The following NBAS variants were observed in gnomAD, a reference collection of about 807,000 sequenced individuals.
NBAS encodes the protein NAG/BC035112 fusion.
Under a neutral mutation model 302.5 loss-of-function variants are expected in NBAS, and 219 were observed. That is an observed-to-expected ratio of 0.72 (90% CI 0.65 to 0.81). The LOEUF (loss-of-function observed/expected upper bound fraction) is 0.81. Ranked by LOEUF, NBAS falls within the 30% of genes least tolerant of loss-of-function variation. NBAS has a pLI of 0.00. For missense variants in NBAS, 2,932 were observed against 2,841.6 expected (o/e 1.03, Z -0.72); for synonymous variants, 1,118 against 1,021.6 (o/e 1.09, Z -1.80).
At chr2:15,009,698 ATAT>A in the NBAS span, among the ~76,000 whole-genome samples, 1 of 28,640 alleles carries the variant, frequency 3.5e-5, no homozygotes, top group Non-Finnish European at 7.3e-5. Flanking sequence ...GAATGCATAT[ATAT>A]ATATATATAT....
chr2:15,451,362 T>C (rs1382456758), intron 21 of NBAS, among the ~76,000 whole-genome samples: 1 of 152,184 alleles, frequency 6.6e-6, no homozygotes, highest in Non-Finnish European at 1.5e-5. Flanking sequence ...ATTTACATTC[T>C]AAATTGAAAG....
At position 15,539,483 on chromosome 2, in the gene NBAS, A is replaced by ATT; in HGVS notation, c.380-128_380-127insAA. 3.3e-6 allele frequency: 4 copies of ATT among 1,209,704 alleles called. No homozygotes were observed. The South Asian group carries it at 5.3e-5, about 16-fold the overall frequency. 74.9% of individuals were successfully genotyped at this position (1,209,704 alleles called of 1,614,324 possible). On this transcript the variant is annotated intron_variant, in intron 6 of 51. Transcript: ENST00000281513. ...ACGTCATCTCCTAAGGATCTCTAAT[A>ATT]AAGCTTCCCTCAATAAAAAAGAGCA...
rs760730197 is a variant in NBAS, at chr2:15,554,098, C to CCA, written c.248_249dup (p.Val84TrpfsTer6). 1.9e-6 allele frequency: 3 copies of CCA among 1,613,930 alleles called. No homozygotes were observed. The Admixed American group carries it at 5.0e-5, about 27-fold the overall frequency. On this transcript the variant is annotated frameshift_variant, in exon 4 of 52. Coordinates refer to ENST00000281513, the MANE Select transcript of NBAS (RefSeq NM_015909.4). LOFTEE classifies it high-confidence loss of function. Reference sequence around the variant, plus strand: ...AAATGCCAGTTTATCTGTTTATTAACCAAGCGAACCAGTCCATCAGGGAGC... The same window carrying CCA: ...AAATGCCAGTTTATCTGTTTATTAACCACAAGCGAACCAGTCCATCAGGGAGC...
chr2:15,430,097 T>G (rs949034325), intron 21 of NBAS, among the ~76,000 whole-genome samples: 5 of 152,136 alleles, frequency 3.3e-5, no homozygotes, highest in African/African-American at 1.2e-4. Context: ...CTAAAAGAAT[T>G]TTAGAAAAAT....
intron 32 of NBAS, among the ~76,000 whole-genome samples, chr2:15,363,839 AT>A (rs1287816833): frequency 2.0e-5 from 3 of 152,198 alleles, no homozygotes; most frequent in African/African-American, 7.2e-5. Context: ...CAAAGGGCTG[AT>A]CTTAGTGATT....
At chr2:15,246,728 C>T (rs372983951) in intron 44 of NBAS, among the ~76,000 whole-genome samples, 2 of 152,210 alleles carry the variant, frequency 1.3e-5, no homozygotes, top group African/African-American at 4.8e-5. Context: ...AGGGGCACAA[C>T]GGCATCAAGC....
chr2:15,408,490 C>A (rs1676530011), intron 25 of NBAS, among the ~76,000 whole-genome samples: 1 of 152,144 alleles, frequency 6.6e-6, no homozygotes, highest in African/African-American at 2.4e-5. Context: ...CCTCTTATAT[C>A]TCACTACTTT....
intron 10 of NBAS, 135 bp from the exon 11 acceptor site, chr2:15,504,348 T>A: frequency 1.3e-6 from 1 of 778,700 alleles, no homozygotes; most frequent in Non-Finnish European, 2.1e-6. Context: ...ACCAAGAAGG[T>A]GTCAAGGATC....
chr2:15,073,816 A>G, the NBAS span, among the ~76,000 whole-genome samples: 1 of 152,076 alleles, frequency 6.6e-6, no homozygotes, highest in Non-Finnish European at 1.5e-5. Flanking sequence ...TTTCTCACTG[A>G]CTCATTTTAT....
chr2:15,385,835 T>C (rs1675264395), intron 28 of NBAS, among the ~76,000 whole-genome samples: 1 of 152,102 alleles, frequency 6.6e-6, no homozygotes, highest in Non-Finnish European at 1.5e-5. Flanking sequence ...GTAAATAGAT[T>C]ACCATGAGTA....
At chr2:15,419,404 AGT>A (rs139124907) in intron 23 of NBAS, among the ~76,000 whole-genome samples, 13 of 149,886 alleles carry the variant, frequency 8.7e-5, no homozygotes, top group African/African-American at 2.7e-4. Context: ...TGTGTGTATG[AGT>A]GTGTGTGTGT....
chr2:15,363,773 T>G (rs1185013922), intron 32 of NBAS, among the ~76,000 whole-genome samples: 2 of 152,188 alleles, frequency 1.3e-5, no homozygotes, highest in East Asian at 3.9e-4. Context: ...TATTTAACTG[T>G]TTTTAATTCA....
At chr2:15,339,099 T>A (rs1039563634) in intron 35 of NBAS, among the ~76,000 whole-genome samples, 2 of 152,160 alleles carry the variant, frequency 1.3e-5, no homozygotes, top group African/African-American at 4.8e-5. Context: ...CTAGAATTCT[T>A]AGATCCAGAT....
At chr2:15,543,457 T>A (rs1398438954) in intron 6 of NBAS, among the ~76,000 whole-genome samples, 2 of 152,238 alleles carry the variant, frequency 1.3e-5, no homozygotes, top group Non-Finnish European at 2.9e-5. Context: ...TACATTTGTT[T>A]GTTATATCAG....
rs193164699 is a variant in NBAS at position 15,330,838 on chromosome 2, A to G, written c.4180-73T>C. On this transcript the variant is annotated intron_variant, in intron 35 of 51. Transcript: ENST00000281513. ...GAACAGAGAAGACAGTGATAATGTG[A>G]CTGCTTAAAATGATCAGATATTAAA... 520 of 1,476,518 alleles carry G rather than the reference A, an allele frequency of 3.5e-4. 5 individuals are homozygous for G. The Admixed American group carries it at 8.0e-3, about 23-fold the overall frequency. The allele number at this position is 1,476,518 out of a possible 1,614,324, so 91.5% of individuals were successfully genotyped here.
At chr2:15,129,008 C>CTGGGCGGGCCCTGAGTGCCCA in the NBAS span, among the ~76,000 whole-genome samples, 1 of 152,132 alleles carries the variant, frequency 6.6e-6, no homozygotes, top group Non-Finnish European at 1.5e-5. Context: ...GAGCAGGGGG[C>CTGGGCGGGCCCTGAGTGCCCA]TGGGCGGGCC....
chr2:14,828,128 A>C, the NBAS span, among the ~76,000 whole-genome samples: 1 of 152,214 alleles, frequency 6.6e-6, no homozygotes, highest in African/African-American at 2.4e-5. Flanking sequence ...AACACTGGGT[A>C]CAGCAGTAAA....
At chr2:14,932,217 C>A in the NBAS span, among the ~76,000 whole-genome samples, 1 of 152,158 alleles carries the variant, frequency 6.6e-6, no homozygotes, top group Non-Finnish European at 1.5e-5. Flanking sequence ...CAGGAGCTGG[C>A]ATGAACCAAC....
At chr2:15,536,713 C>T (rs185431555) in intron 7 of NBAS, among the ~76,000 whole-genome samples, 162 bp from the exon 8 acceptor site, 106 of 152,302 alleles carry the variant, frequency 7.0e-4, no homozygotes, top group African/African-American at 2.4e-3. Context: ...AGTCAGAATG[C>T]CTAGAGCTAG....
Sources: gnomAD v4.1 joint callset for allele counts (sites outside exome capture counted in the v4.1 genomes callset) on GRCh38, gnomAD v4.1.1 for gene constraint, MANE v1.5 for transcripts, NCBI Gene and HGNC (gene_info 2026-07-23, HGNC 2026-07-21) for gene names.